Variants in CSMD3 observed in about 807,000 individuals in gnomAD.
CSMD3 encodes CUB and Sushi multiple domains 3.
A neutral mutation model predicts 435.2 loss-of-function variants in CSMD3; 177 were observed. That is an observed-to-expected ratio of 0.41 (90% CI 0.36 to 0.46). The LOEUF (loss-of-function observed/expected upper bound fraction) is 0.46. CSMD3 is among the 20% of genes least tolerant of loss of function. The pLI is 0.34. For synonymous variants in CSMD3, 1,656 were observed against 1,520.5 expected, an observed-to-expected ratio of 1.09 and a Z score of -2.07; for missense variants, 4,265 against 4,504.6, an observed-to-expected ratio of 0.95 and a Z score of 1.52.
chr8:112,418,380 T>C (rs986434262), intron 32 of CSMD3, among the ~76,000 whole-genome samples: 9 of 152,136 alleles, frequency 5.9e-5, no homozygotes, highest in African/African-American at 1.9e-4. Context: ...TATTAGACAT[T>C]TTCATGAATG....
At chr8:112,443,703 A>G (rs1815290637) in intron 32 of CSMD3, among the ~76,000 whole-genome samples, 1 of 152,124 alleles carries the variant, frequency 6.6e-6, no homozygotes, top group South Asian at 2.1e-4. Flanking sequence ...AGTCAGCCAT[A>G]TTGATTTCAT....
intron 1 of CSMD3, 137 bp from the exon 2 acceptor site, chr8:113,314,930 G>A (rs2093897885): frequency 1.6e-6 from 1 of 619,728 alleles, no homozygotes; most frequent in African/African-American, 1.8e-5. Context: ...TTTAAGAGCT[G>A]GGCACTATAT....
chr8:112,368,904 C>T (rs1828049286), intron 38 of CSMD3, among the ~76,000 whole-genome samples: 2 of 152,114 alleles, frequency 1.3e-5, no homozygotes, highest in African/African-American at 2.4e-5. Flanking sequence ...CTCTATGAAA[C>T]ATTTAGCAAT....
intron 3 of CSMD3, among the ~76,000 whole-genome samples, chr8:113,199,874 G>A (rs2092699351): frequency 6.6e-6 from 1 of 151,910 alleles, no homozygotes; most frequent in Non-Finnish European, 1.5e-5. Context: ...TGGAGCTGAA[G>A]ATGCTGCTTC....
At chr8:113,363,451 A>G (rs1280492758) in intron 1 of CSMD3, among the ~76,000 whole-genome samples, 1 of 152,138 alleles carries the variant, frequency 6.6e-6, no homozygotes, top group Non-Finnish European at 1.5e-5. Context: ...TAAAACAATA[A>G]AATTCTGCTC....
chr8:112,237,159 G>T (rs780228155), intron 67 of CSMD3, 31 bp downstream of exon 67: 5 of 1,603,340 alleles, frequency 3.1e-6, no homozygotes, highest in Non-Finnish European at 3.4e-6. Context: ...AGTCATGAAG[G>T]TATATTTCGC....
At chr8:113,348,745 ATTTGT>A (rs918598714) in intron 1 of CSMD3, among the ~76,000 whole-genome samples, 1 of 151,898 alleles carries the variant, frequency 6.6e-6, no homozygotes, top group Non-Finnish European at 1.5e-5. Context: ...GGGTTTTTTT[ATTTGT>A]TTTATTTTTA....
intron 38 of CSMD3, among the ~76,000 whole-genome samples, chr8:112,365,924 C>A (rs1050186557): frequency 7.9e-5 from 12 of 152,140 alleles, no homozygotes; most frequent in African/African-American, 2.4e-4. Context: ...CAATTCCACT[C>A]AAGGGATGCC....
intron 10 of CSMD3, among the ~76,000 whole-genome samples, chr8:112,886,982 G>A (rs2081618340): frequency 1.3e-5 from 2 of 151,350 alleles, no homozygotes; most frequent in African/African-American, 2.4e-5. Context: ...CTGACTGTAT[G>A]GTTTAAGTGG....
At chr8:113,098,517 A>T in intron 5 of CSMD3, 1 of 502,820 alleles carries the variant, frequency 2.0e-6, no homozygotes, top group South Asian at 2.2e-5. Context: ...AAAAAACACA[A>T]CTGTAGATTA....
intron 13 of CSMD3, among the ~76,000 whole-genome samples, chr8:112,745,011 C>A (rs2077395502): frequency 6.6e-6 from 1 of 152,016 alleles, no homozygotes; most frequent in African/African-American, 2.4e-5. Flanking sequence ...TTTGAGGGGA[C>A]AAACGGGGGT....
intron 12 of CSMD3, among the ~76,000 whole-genome samples, chr8:112,829,456 C>T (rs1179270952): frequency 6.6e-6 from 1 of 152,102 alleles, no homozygotes; most frequent in Non-Finnish European, 1.5e-5. Flanking sequence ...GTTTATAAGT[C>T]ACCCAGTTTA....
chr8:112,478,313 T>C (rs1819275152), intron 31 of CSMD3, among the ~76,000 whole-genome samples: 1 of 151,722 alleles, frequency 6.6e-6, no homozygotes. Flanking sequence ...GTTCAAAGAG[T>C]TTTGAGGCCT....
chr8:112,431,737 C>T (rs1161983197), intron 32 of CSMD3, among the ~76,000 whole-genome samples: 1 of 152,154 alleles, frequency 6.6e-6, no homozygotes, highest in East Asian at 1.9e-4. Flanking sequence ...CTGTACTTTA[C>T]AGCTACATAC....
intron 4 of CSMD3, among the ~76,000 whole-genome samples, chr8:113,102,042 T>C (rs918373840): frequency 2.6e-5 from 4 of 152,116 alleles, no homozygotes; most frequent in African/African-American, 7.2e-5. Flanking sequence ...GAACAAACCA[T>C]GAAACTCTTG....
chr8:112,717,135 C>G (rs2076749950), intron 13 of CSMD3, among the ~76,000 whole-genome samples: 1 of 151,520 alleles, frequency 6.6e-6, no homozygotes. Context: ...AACAGGCAAC[C>G]TAAAAAATGG....
At chr8:112,411,617 C>T (rs948368681) in intron 32 of CSMD3, among the ~76,000 whole-genome samples, 2 of 151,902 alleles carry the variant, frequency 1.3e-5, no homozygotes, top group Non-Finnish European at 2.9e-5. Flanking sequence ...ATCTGATTTC[C>T]CACACATTAT....
At chr8:113,342,648 A>G (rs146396713) in intron 1 of CSMD3, among the ~76,000 whole-genome samples, 1 of 152,288 alleles carries the variant, frequency 6.6e-6, no homozygotes, top group East Asian at 1.9e-4. Flanking sequence ...GACAAATTTT[A>G]ACAAGATTCT....
intron 13 of CSMD3, among the ~76,000 whole-genome samples, chr8:112,734,364 G>C (rs1288657305): frequency 6.6e-6 from 1 of 151,766 alleles, no homozygotes; most frequent in Non-Finnish European, 1.5e-5. Flanking sequence ...GTGGTTATGA[G>C]TTAAGGTCAT....
Sources: allele counts gnomAD v4.1 joint callset (sites outside exome capture counted in the v4.1 genomes callset), GRCh38; gene constraint gnomAD v4.1.1; transcripts MANE v1.5; gene names NCBI Gene and HGNC (gene_info 2026-07-23, HGNC 2026-07-21).